The following RALGAPA2 variants were observed in gnomAD, a reference collection of about 807,000 sequenced individuals.
RALGAPA2 encodes the protein ral GTPase-activating protein subunit alpha-2.
Under a neutral mutation model 230.4 loss-of-function variants are expected in RALGAPA2, and 139 were observed. That is an observed-to-expected ratio of 0.60 (90% CI 0.53 to 0.69). The LOEUF is 0.69. RALGAPA2 is among the 30% of genes least tolerant of loss of function. RALGAPA2 has a pLI of 0.00. For synonymous variants in RALGAPA2, 847 were observed against 837.8 expected, an observed-to-expected ratio of 1.01 and a Z score of -0.19; for missense variants, 2,163 against 2,276.0, an observed-to-expected ratio of 0.95 and a Z score of 1.01.
At chr20:20,525,035 A>C in intron 28 of RALGAPA2, 137 bp from the exon 29 acceptor site, 1 of 693,354 alleles carries the variant, frequency 1.4e-6, no homozygotes, top group South Asian at 2.0e-5. Flanking sequence ...TAAAAAGCAG[A>C]GGGCCAGCTG....
intron 37 of RALGAPA2, among the ~76,000 whole-genome samples, chr20:20,445,993 A>T (rs934492586): frequency 6.6e-6 from 1 of 151,232 alleles, no homozygotes; most frequent in Non-Finnish European, 1.5e-5. Flanking sequence ...AACATAGTCC[A>T]TTTTCTTCTT....
chr20:20,421,139 GGGAT>G (rs10535402), intron 37 of RALGAPA2, among the ~76,000 whole-genome samples: 98,420 of 151,536 alleles, frequency 0.65, 32,090 homozygotes, highest in African/African-American at 0.73. Context: ...AAATGGGCAA[GGGAT>G]GGATGTGCAT....
chr20:20,424,572 T>C (rs565937524), intron 37 of RALGAPA2, among the ~76,000 whole-genome samples: 1 of 152,306 alleles, frequency 6.6e-6, no homozygotes, highest in South Asian at 2.1e-4. Flanking sequence ...CATCATATGT[T>C]AGAAGCTAAA....
intron 23 of RALGAPA2, among the ~76,000 whole-genome samples, chr20:20,556,067 G>A (rs2064073936): frequency 6.6e-6 from 1 of 152,088 alleles, no homozygotes; most frequent in Admixed American, 6.5e-5. Context: ...AACTTGTTTG[G>A]TGGCAAACAA....
Position 20,712,603 on chromosome 20 carries a change from TGCC to T in RALGAPA2, c.-126_-124del, listed in dbSNP as rs576792974. The T allele has an allele frequency of 8.6e-4, 1,006 of 1,173,742 alleles. No homozygotes were observed. The highest frequency in any genetic ancestry group is 2.2e-3 in the African/African-American group (138 of 61,536). The allele number at this position is 1,173,742 out of a possible 1,614,324, so 72.7% of individuals were successfully genotyped here. A position where few individuals can be genotyped will look rare whatever the true frequency, so the allele number is the denominator to read the frequency against. On this transcript the variant is annotated 5_prime_UTR_variant, in exon 1 of 40. Transcript: ENST00000202677. This position sits in a 1 kb window ranked among gnomAD's most constrained non-coding sequence, Gnocchi z 5.5. ...CACTCGCCGCCCCCAGCCCCGCTGC[TGCC>T]GCCGCCGCCGCCGCCGCCGCCGCCT...
intron 19 of RALGAPA2, among the ~76,000 whole-genome samples, chr20:20,584,561 C>G (rs960672229): frequency 1.3e-5 from 2 of 152,180 alleles, no homozygotes; most frequent in African/African-American, 4.8e-5. Context: ...GGGAAGATGG[C>G]TTGAGCCCAG....
chr20:20,482,627 T>C (rs1220251183), intron 36 of RALGAPA2, among the ~76,000 whole-genome samples: 1 of 152,128 alleles, frequency 6.6e-6, no homozygotes, highest in Non-Finnish European at 1.5e-5. Context: ...CTACAGTTAA[T>C]GATTAAAGTA....
chr20:20,404,406 C>T (rs2059906785), intron 38 of RALGAPA2, among the ~76,000 whole-genome samples: 1 of 152,084 alleles, frequency 6.6e-6, no homozygotes, highest in Non-Finnish European at 1.5e-5. Flanking sequence ...GACTTAACTG[C>T]GAATAAGAGA....
intron 24 of RALGAPA2, among the ~76,000 whole-genome samples, chr20:20,540,173 A>G (rs2063605434): frequency 6.6e-6 from 1 of 152,126 alleles, no homozygotes; most frequent in African/African-American, 2.4e-5. Context: ...TAACTTTTTG[A>G]GAAACCTCCA....
intron 4 of RALGAPA2, among the ~76,000 whole-genome samples, chr20:20,652,760 GGAT>G (rs2067448392): frequency 6.6e-6 from 1 of 152,146 alleles, no homozygotes; most frequent in South Asian, 2.1e-4. Context: ...TATTCAAGTG[GGAT>G]GAGATGTTAG....
chr20:20,412,174 G>A (rs762814278), intron 37 of RALGAPA2, 26 bp from the exon 38 acceptor site: 2 of 1,612,740 alleles, frequency 1.2e-6, no homozygotes, highest in Non-Finnish European at 1.7e-6. Flanking sequence ...AAGGAAACAA[G>A]TGCACGTGCA....
chr20:20,577,973 C>T lies in RALGAPA2; in HGVS notation c.2708-4905G>A, dbSNP rs2064872767. On this transcript the variant is annotated intron_variant, in intron 20 of 39. Coordinates refer to ENST00000202677, the MANE Select transcript of RALGAPA2 (RefSeq NM_020343.4). The stretch of plus-strand genomic sequence containing the variant: ...ACAGATACCTCATCATCACCTGCAC[C>T]TCTTTTCAACCTGCCAACGAATATG... Among the ~76,000 whole-genome samples the T allele has an allele frequency of 2.0e-5, 3 of 152,098 alleles. No individual in the cohort carries two copies. In the South Asian group the frequency reaches 6.2e-4, roughly 32 times the overall value.
rs537871144 is a variant in RALGAPA2, at chr20:20,392,925, G to A, written c.*364C>T. 1 of 490,234 alleles carries A rather than the reference G, an allele frequency of 2.0e-6. No homozygotes were observed. Among genetic ancestry groups the A allele is most frequent in the African/African-American group, 2.1e-5 (1 of 48,290 alleles). 30.4% of individuals were successfully genotyped at this position (490,234 alleles called of 1,614,324 possible). ...ATCTTTTCCTGCTGTCATCTGCCCA[G>A]AGCAGCCACACCAGTGCCCACGTGT... On this transcript the variant is annotated 3_prime_UTR_variant, in exon 40 of 40. Coordinates refer to ENST00000202677, the MANE Select transcript of RALGAPA2 (RefSeq NM_020343.4).
chr20:20,538,809 T>G (rs1568553453), intron 24 of RALGAPA2, among the ~76,000 whole-genome samples: 3 of 152,112 alleles, frequency 2.0e-5, no homozygotes, highest in Non-Finnish European at 4.4e-5. Flanking sequence ...GTAGGAGCCC[T>G]GAGGACGAAG....
intron 14 of RALGAPA2, among the ~76,000 whole-genome samples, chr20:20,610,844 C>T (rs955976327): frequency 1.3e-4 from 20 of 152,150 alleles, no homozygotes; most frequent in Non-Finnish European, 2.5e-4. Flanking sequence ...TCCCCAGGCA[C>T]CCAGGATACA....
At chr20:20,450,295 CT>C (rs750586674) in intron 37 of RALGAPA2, among the ~76,000 whole-genome samples, 12 of 152,162 alleles carry the variant, frequency 7.9e-5, no homozygotes, top group Admixed American at 7.9e-4. Flanking sequence ...ATTTTCACTG[CT>C]TTTTAATTTG....
intron 37 of RALGAPA2, among the ~76,000 whole-genome samples, chr20:20,461,151 C>T (rs1305257138): frequency 1.3e-5 from 2 of 152,132 alleles, no homozygotes; most frequent in African/African-American, 4.8e-5. Context: ...CTGATGTAGT[C>T]TTCTGATGTG....
At chr20:20,702,153 T>C (rs1342846021) in intron 1 of RALGAPA2, among the ~76,000 whole-genome samples, 2 of 151,860 alleles carry the variant, frequency 1.3e-5, no homozygotes, top group Non-Finnish European at 2.9e-5. Context: ...TGAGAAGAGA[T>C]ACATTCAGGG....
chr20:20,685,365 C>A (rs144617546), intron 1 of RALGAPA2, among the ~76,000 whole-genome samples: 226 of 152,294 alleles, frequency 1.5e-3, no homozygotes, highest in African/African-American at 5.3e-3. Flanking sequence ...GACAAGGCCA[C>A]ATGGGGAAGC....
Sources: allele counts gnomAD v4.1 joint callset (sites outside exome capture counted in the v4.1 genomes callset), GRCh38; gene constraint gnomAD v4.1.1; non-coding constraint Gnocchi (gnomAD v3.1); transcripts MANE v1.5; gene names NCBI Gene and HGNC (gene_info 2026-07-23, HGNC 2026-07-21).